Variants in PATJ observed in about 807,000 individuals in gnomAD.
PATJ encodes PATJ crumbs cell polarity complex component, also known as inaD-like protein.
In PATJ, 190 loss-of-function variants were observed where a neutral mutation model predicts 224.9. That is an observed-to-expected ratio of 0.84 (90% confidence interval 0.75 to 0.95). The LOEUF is 0.95. Ranked by LOEUF, PATJ falls within the 40% of genes least tolerant of loss-of-function variation. The pLI is 0.00. For synonymous variants in PATJ, 769 were observed against 820.3 expected (o/e 0.94, Z 1.07); for missense variants, 2,121 against 2,270.3 (o/e 0.93, Z 1.34).
chr1:61,996,986 C>A (rs1480082790), intron 28 of PATJ, among the ~76,000 whole-genome samples: 1 of 151,988 alleles, frequency 6.6e-6, no homozygotes, highest in Non-Finnish European at 1.5e-5. Flanking sequence ...AAGTGATCTG[C>A]CCGCCTTGGC....
At chr1:61,940,597 T>A (rs1015043675) in intron 27 of PATJ, among the ~76,000 whole-genome samples, 1 of 151,732 alleles carries the variant, frequency 6.6e-6, no homozygotes, top group African/African-American at 2.4e-5. Flanking sequence ...GCACCTGTAG[T>A]CCCAGCTACT....
intron 27 of PATJ, among the ~76,000 whole-genome samples, chr1:61,947,907 C>T (rs185776046): frequency 6.6e-6 from 1 of 152,190 alleles, no homozygotes; most frequent in East Asian, 1.9e-4. Flanking sequence ...AGAAATAATA[C>T]CACACATCTA....
At chr1:61,808,693 T>G (rs1654079437) in intron 14 of PATJ, among the ~76,000 whole-genome samples, 163 bp downstream of exon 14, 1 of 152,144 alleles carries the variant, frequency 6.6e-6, no homozygotes, top group Non-Finnish European at 1.5e-5. Context: ...CTCGGCCCAT[T>G]TTTTTATCGT....
chr1:62,144,777 A>AAAAATATATATATATATAT (rs377489788), intron 41 of PATJ, among the ~76,000 whole-genome samples: 1 of 119,100 alleles, frequency 8.4e-6, no homozygotes, highest in East Asian at 3.5e-4. Context: ...AAAAAAAAAA[A>AAAAATATATATATATATAT]ATATATATAT....
chr1:61,842,853 G>A (rs1661339031), intron 17 of PATJ, among the ~76,000 whole-genome samples: 1 of 152,128 alleles, frequency 6.6e-6, no homozygotes, highest in Non-Finnish European at 1.5e-5. Context: ...TGTAGCAATG[G>A]ATGTGTTCTG....
At chr1:62,023,238 C>T (rs951055210) in intron 29 of PATJ, among the ~76,000 whole-genome samples, 10 of 148,956 alleles carry the variant, frequency 6.7e-5, no homozygotes, top group Non-Finnish European at 8.9e-5. Flanking sequence ...TGCAGTGAGC[C>T]GAGATCGCGC....
chr1:61,755,421 T>A (rs1356370524), intron 1 of PATJ, among the ~76,000 whole-genome samples: 2 of 152,140 alleles, frequency 1.3e-5, no homozygotes, highest in African/African-American at 4.8e-5. Context: ...AGTATAGTAG[T>A]ATATGTTTAT....
At chr1:62,051,362 C>T (rs558414755) in intron 31 of PATJ, among the ~76,000 whole-genome samples, 27 of 152,084 alleles carry the variant, frequency 1.8e-4, no homozygotes, top group African/African-American at 6.3e-4. Context: ...CAGGCTGGAG[C>T]GCAGTGGCTG....
intron 9 of PATJ, among the ~76,000 whole-genome samples, chr1:61,792,625 G>A (rs761255721): frequency 1.3e-5 from 2 of 151,664 alleles, no homozygotes; most frequent in African/African-American, 2.4e-5. Context: ...CCGCCTCCCA[G>A]GTTCAAGAGA....
chr1:61,766,953 C>T lies in PATJ; in HGVS notation c.384+480C>T, dbSNP rs773188346. Among the ~76,000 whole-genome samples the T allele has an allele frequency of 3.3e-5, 5 of 152,184 alleles. No individual in the cohort carries two copies. In the East Asian group the frequency reaches 5.8e-4, roughly 18 times the overall value. On this transcript the variant is annotated intron_variant, in intron 4 of 43. Transcript: ENST00000642238. ...ACTAAAAATAGAAAAATTAGCCGGG[C>T]GTGGTGGCAGGCACCTGTAATCCCA...
intron 41 of PATJ, among the ~76,000 whole-genome samples, chr1:62,143,805 A>T (rs1667743199): frequency 1.3e-5 from 2 of 152,142 alleles, no homozygotes. Context: ...ACATGCTGTC[A>T]CTTGAGCCTG....
chr1:61,889,097 T>C (rs1669248778), intron 22 of PATJ, among the ~76,000 whole-genome samples: 2 of 152,180 alleles, frequency 1.3e-5, no homozygotes, highest in Admixed American at 1.3e-4. Context: ...GAGTAATGCA[T>C]AGATTATTTT....
chr1:61,834,625 C>T (rs190165980), intron 17 of PATJ, among the ~76,000 whole-genome samples: 23 of 152,188 alleles, frequency 1.5e-4, no homozygotes, highest in Admixed American at 5.9e-4. Context: ...GCAAAATGTA[C>T]TCTGTTAAAG....
chr1:61,941,272 T>C (rs1159701062), intron 27 of PATJ, among the ~76,000 whole-genome samples: 1 of 152,222 alleles, frequency 6.6e-6, no homozygotes, highest in Non-Finnish European at 1.5e-5. Flanking sequence ...CCAACAAACT[T>C]ATGGCATAAC....
chr1:61,850,920 A>G (rs1202948056), intron 17 of PATJ, among the ~76,000 whole-genome samples: 3 of 152,172 alleles, frequency 2.0e-5, no homozygotes, highest in East Asian at 1.9e-4. Flanking sequence ...TGTTATTCCT[A>G]TATGATGGGA....
intron 28 of PATJ, among the ~76,000 whole-genome samples, chr1:62,011,289 T>C (rs1646431869): frequency 1.3e-5 from 2 of 152,242 alleles, no homozygotes. Flanking sequence ...AGTTTCATCA[T>C]TTCTAGCTTT....
Position 61,835,260 on chromosome 1 carries a change from A to G in PATJ, c.2112+1475A>G, listed in dbSNP as rs115198117. Among the ~76,000 whole-genome samples the G allele has an allele frequency of 2.3e-3, 355 of 152,340 alleles. 1 individual carries two copies. The highest frequency in any genetic ancestry group is 8.4e-3 in the African/African-American group (348 of 41,578). On this transcript the variant is annotated intron_variant, in intron 17 of 43. Coordinates refer to ENST00000642238, the MANE Select transcript of PATJ (RefSeq NM_001350145.3). ...TATATTGGTTAATATTAGAGTATAT[A>G]AAACAAATGGCAGGGACTCTTTTTT...
At chr1:62,111,566 A>G (rs1663812957) in intron 34 of PATJ, among the ~76,000 whole-genome samples, 1 of 152,202 alleles carries the variant, frequency 6.6e-6, no homozygotes, top group African/African-American at 2.4e-5. Context: ...ATGACATGGC[A>G]AAAGTTTGGC....
chr1:61,856,107 A>T lies in PATJ; in HGVS notation c.2190A>T (p.Gly730=), dbSNP rs1663617764. ...ATGGTGTAGCAGAAAGAAGTGGGGG[A>T]CTATTACCTGGAGACCGCCTGGTCT... ...VADGVAERSG[G]LLPGDRLVSV... The change falls in exon 18 of 44, where the codon GGA becomes GGT. Residue 730 remains glycine, a synonymous_variant. Coordinates refer to ENST00000642238, the MANE Select transcript of PATJ (RefSeq NM_001350145.3). 1 of 1,613,872 alleles carries T rather than the reference A, an allele frequency of 6.2e-7. No homozygotes were observed. The highest frequency in any genetic ancestry group is 1.3e-5 in the African/African-American group (1 of 74,928).
Sources: gnomAD v4.1 joint callset for allele counts (sites outside exome capture counted in the v4.1 genomes callset) on GRCh38, gnomAD v4.1.1 for gene constraint, MANE v1.5 for transcripts, NCBI Gene and HGNC (gene_info 2026-07-23, HGNC 2026-07-21) for gene names.